BMP8A: variants seen among roughly 807,000 people sequenced by gnomAD.
BMP8A encodes the protein BMP-8A.
BMP8A carries 14 observed loss-of-function variants against 36.8 expected under a neutral mutation model. That is an observed-to-expected ratio of 0.38 (90% CI 0.25 to 0.60). The LOEUF (loss-of-function observed/expected upper bound fraction) is 0.60, where lower values mean the gene tolerates loss of function less well. BMP8A is among the 20% of genes least tolerant of loss of function. The probability of loss-of-function intolerance (pLI) is 0.63; values close to 1 mark genes in which losing one functional copy is unlikely to be tolerated. For missense variants in BMP8A, 267 were observed against 551.1 expected, an observed-to-expected ratio of 0.48 and a Z score of 5.16; for synonymous variants, 120 against 237.7, an observed-to-expected ratio of 0.50 and a Z score of 4.55.
At position 39,528,860 on chromosome 1, in the gene BMP8A, C is replaced by G. The variant is rs1465968265; in HGVS notation, c.*3062C>G. The stretch of plus-strand genomic sequence containing the variant: ...GGATGACAGGCACACGCCACCATAC[C>G]CAGCTAATTTTTAAATTTTTTATAG... On this transcript the variant is annotated 3_prime_UTR_variant, in exon 7 of 7. Coordinates refer to ENST00000331593, the MANE Select transcript of BMP8A (RefSeq NM_181809.4). Among the ~76,000 whole-genome samples, 1 of 152,046 alleles carries G rather than the reference C, an allele frequency of 6.6e-6. No individual in the cohort carries two copies. The highest frequency in any genetic ancestry group is 1.9e-4 in the East Asian group (1 of 5,200).
intron 1 of BMP8A, among the ~76,000 whole-genome samples, chr1:39,509,147 C>T (rs1392346849): frequency 5.3e-5 from 8 of 152,162 alleles, no homozygotes; most frequent in African/African-American, 1.7e-4. Context: ...CCCAGCAGCC[C>T]TGCTGTGCCC....
chr1:39,499,379 T>A (rs1239003208), intron 1 of BMP8A, among the ~76,000 whole-genome samples: 3 of 151,746 alleles, frequency 2.0e-5, no homozygotes, highest in Non-Finnish European at 4.4e-5. Flanking sequence ...CCGGGGAGGG[T>A]CTGAGGGGAG....
At chr1:39,507,780 C>T (rs769409581) in intron 1 of BMP8A, among the ~76,000 whole-genome samples, 42 of 152,088 alleles carry the variant, frequency 2.8e-4, no homozygotes, top group African/African-American at 6.0e-4. Context: ...TACTGACTAC[C>T]GTCAACAAAC....
chr1:39,504,580 A>G (rs1248529669), intron 1 of BMP8A, among the ~76,000 whole-genome samples: 1 of 152,148 alleles, frequency 6.6e-6, no homozygotes, highest in Non-Finnish European at 1.5e-5. Context: ...CGTGGGTTCA[A>G]GCCCCACATT....
At chr1:39,501,968 A>G (rs1276852200) in intron 1 of BMP8A, among the ~76,000 whole-genome samples, 1 of 151,092 alleles carries the variant, frequency 6.6e-6, no homozygotes, top group Admixed American at 6.6e-5. Flanking sequence ...GGCCGGGCGC[A>G]ATGGCTCACG....
At chr1:39,492,362 A>G in intron 1 of BMP8A, 37 bp downstream of exon 1, 1 of 1,501,010 alleles carries the variant, frequency 6.7e-7, no homozygotes, top group Non-Finnish European at 8.8e-7. Context: ...CCTCGGAGTA[A>G]GCTGGCTGCA....
intron 1 of BMP8A, among the ~76,000 whole-genome samples, chr1:39,493,765 C>T (rs1461850448): frequency 2.6e-5 from 4 of 152,152 alleles, no homozygotes; most frequent in Admixed American, 2.6e-4. Context: ...CAGAGGAGAC[C>T]ATCTGTGAAG....
intron 1 of BMP8A, among the ~76,000 whole-genome samples, chr1:39,500,676 G>A (rs1053558481): frequency 3.3e-5 from 5 of 151,310 alleles, no homozygotes; most frequent in African/African-American, 7.3e-5. Context: ...TTTTTGAGAC[G>A]GAGTCTTGCT....
chr1:39,514,820 G>C (rs957350708), intron 3 of BMP8A: 52 of 1,207,884 alleles, frequency 4.3e-5, no homozygotes, highest in Non-Finnish European at 5.5e-5. Flanking sequence ...GCCTGGCCTA[G>C]AGCCTGCGCC....
intron 6 of BMP8A, 28 bp downstream of exon 6, chr1:39,523,145 C>T (rs1645446097): frequency 1.2e-6 from 2 of 1,611,020 alleles, no homozygotes; most frequent in Non-Finnish European, 1.7e-6. Context: ...CCTGCCCAGC[C>T]CCCTGGGGTG....
chr1:39,522,203 C>T (rs1324654074), intron 4 of BMP8A, 200 bp from the exon 5 acceptor site: 12 of 556,880 alleles, frequency 2.2e-5, no homozygotes, highest in Non-Finnish European at 3.5e-5. Context: ...TCACTCTAGC[C>T]ATTGGGAGCC....
intron 1 of BMP8A, among the ~76,000 whole-genome samples, chr1:39,495,034 G>T (rs1024082793): frequency 3.3e-5 from 5 of 149,470 alleles, no homozygotes; most frequent in Non-Finnish European, 3.0e-5. Context: ...TGGGTGGGGG[G>T]TGGATAGACA....
At chr1:39,509,989 T>A (rs1193715824) in intron 1 of BMP8A, among the ~76,000 whole-genome samples, 2 of 151,868 alleles carry the variant, frequency 1.3e-5, no homozygotes, top group Non-Finnish European at 2.9e-5. Context: ...ACAGCCTTTG[T>A]TTGATTGGCA....
intron 1 of BMP8A, among the ~76,000 whole-genome samples, chr1:39,504,630 G>C (rs1464073733): frequency 1.3e-5 from 2 of 152,246 alleles, no homozygotes; most frequent in African/African-American, 4.8e-5. Flanking sequence ...CACACCTGTG[G>C]GTATTTCTCG....
rs370445910 is a variant in BMP8A at position 39,511,029 on chromosome 1, A to T, written c.335-145A>T. On this transcript the variant is annotated intron_variant, in intron 1 of 6. Coordinates refer to ENST00000331593, the MANE Select transcript of BMP8A (RefSeq NM_181809.4). ...CCAAGCCTGGAACAAACGTTTGCAC[A>T]AAATGAAGCCGGCCCCACCCAGGCC... is the stretch of plus-strand genomic sequence containing the variant. 2.8e-3 allele frequency: 3,524 copies of T among 1,259,706 alleles called. 56 individuals are homozygous for T. The highest frequency in any genetic ancestry group is 0.026 in the Middle Eastern group (86 of 3,366). 78.0% of individuals were successfully genotyped at this position (1,259,706 alleles called of 1,614,324 possible).
In BMP8A at chr1:39,505,985, C is replaced by CAAAAAAAAAAA. The variant is rs369981354; in HGVS notation, c.335-5189_335-5188insAAAAAAAAAAA. Among the ~76,000 whole-genome samples the CAAAAAAAAAAA allele has an allele frequency of 2.7e-4, 25 of 93,906 alleles. 12 individuals carry two copies. Among genetic ancestry groups the CAAAAAAAAAAA allele is most frequent in the Non-Finnish European group, 2.0e-4 (10 of 49,776 alleles). 61.6% of individuals were successfully genotyped at this position (93,906 alleles called of 152,430 possible). A position where few individuals can be genotyped will look rare whatever the true frequency, so the allele number is the denominator to read the frequency against. ...TGGGTGACAGAGCAAGACCCTGTCT[C>CAAAAAAAAAAA]CAAAAAAAAAAAAAAAAAAAAGTGT... On this transcript the variant is annotated intron_variant, in intron 1 of 6. Coordinates refer to ENST00000331593, the MANE Select transcript of BMP8A (RefSeq NM_181809.4).
intron 1 of BMP8A, among the ~76,000 whole-genome samples, chr1:39,494,541 CG>C (rs1171211783): frequency 4.0e-5 from 6 of 151,854 alleles, no homozygotes; most frequent in Non-Finnish European, 8.8e-5. Context: ...CTTGTAGAGA[CG>C]GGGAGTCTCA....
intron 6 of BMP8A, 124 bp downstream of exon 6, chr1:39,523,241 C>T: frequency 8.4e-7 from 1 of 1,188,302 alleles, no homozygotes; most frequent in Non-Finnish European, 1.2e-6. Flanking sequence ...TTTGTCTGCA[C>T]AGAGTCAGTA....
At chr1:39,493,325 C>T (rs182159128) in intron 1 of BMP8A, among the ~76,000 whole-genome samples, 18 of 152,348 alleles carry the variant, frequency 1.2e-4, no homozygotes, top group Non-Finnish European at 2.1e-4. Context: ...GGTCTTCATC[C>T]CCATCTCCCA....
Sources: allele counts gnomAD v4.1 joint callset (sites outside exome capture counted in the v4.1 genomes callset), GRCh38; gene constraint gnomAD v4.1.1; transcripts MANE v1.5; gene names NCBI Gene and HGNC (gene_info 2026-07-23, HGNC 2026-07-21).